PCGF5: variants seen among roughly 807,000 people sequenced by gnomAD.
PCGF5 encodes polycomb group ring finger 5.
A neutral mutation model predicts 44.3 loss-of-function variants in PCGF5; 9 were observed. That is an observed-to-expected ratio of 0.20 (90% CI 0.12 to 0.35). PCGF5 has a LOEUF of 0.35. Ranked by LOEUF, PCGF5 falls within the 10% of genes least tolerant of loss-of-function variation. The pLI is 1.00. For missense variants in PCGF5, 146 were observed against 305.3 expected, an observed-to-expected ratio of 0.48 and a Z score of 3.89; for synonymous variants, 95 against 102.5, an observed-to-expected ratio of 0.93 and a Z score of 0.44.
the PCGF5 span, among the ~76,000 whole-genome samples, chr10:91,157,844 C>A: frequency 1.3e-5 from 2 of 152,130 alleles, no homozygotes; most frequent in Non-Finnish European, 2.9e-5. Flanking sequence ...TTTCCTCTTT[C>A]AAAAATGATA....
intron 5 of PCGF5, among the ~76,000 whole-genome samples, chr10:91,249,931 A>G (rs1845583906): frequency 6.6e-6 from 1 of 152,030 alleles, no homozygotes; most frequent in African/African-American, 2.4e-5. Context: ...GGCTAATTAA[A>G]TATTCCAGTT....
At chr10:91,211,856 ATCT>A (rs1450510516) in intron 1 of PCGF5, among the ~76,000 whole-genome samples, 2 of 152,126 alleles carry the variant, frequency 1.3e-5, no homozygotes, top group Non-Finnish European at 2.9e-5. Context: ...TATAGAGCTT[ATCT>A]GGAACCAGGC....
the PCGF5 span, among the ~76,000 whole-genome samples, chr10:91,157,266 A>G: frequency 6.6e-6 from 1 of 152,236 alleles, no homozygotes; most frequent in Non-Finnish European, 1.5e-5. Context: ...CAGTTAACAG[A>G]CTGAGGACAT....
intron 1 of PCGF5, among the ~76,000 whole-genome samples, chr10:91,195,407 A>G (rs1844110355): frequency 6.6e-6 from 1 of 151,710 alleles, no homozygotes; most frequent in Non-Finnish European, 1.5e-5. Flanking sequence ...TTAGAGGGTT[A>G]ATAATATTCT....
chr10:91,283,137 T>C lies in PCGF5; in HGVS notation c.*4821T>C, dbSNP rs533151999. On this transcript the variant is annotated 3_prime_UTR_variant, in exon 10 of 10. Transcript: ENST00000336126. The stretch of plus-strand genomic sequence containing the variant: ...ACAATACAGTGTTCAATAGTTTTTA[T>C]TGCAGTGATGTTTTTCCAATAATTT... 1 of 152,346 alleles carries C rather than the reference T, an allele frequency of 6.6e-6. No individual in the cohort carries two copies. The highest frequency in any genetic ancestry group is 2.1e-4 in the South Asian group (1 of 4,830). The allele number at this position is 152,346 out of a possible 1,614,324, so 9.4% of individuals were successfully genotyped here.
intron 1 of PCGF5, among the ~76,000 whole-genome samples, chr10:91,164,559 G>T (rs1843462838): frequency 6.6e-6 from 1 of 152,108 alleles, no homozygotes; most frequent in Non-Finnish European, 1.5e-5. Flanking sequence ...TTTAAAAGTG[G>T]ATCTTAAAAG....
Position 91,278,400 on chromosome 10 carries a change from C to A in PCGF5, c.*84C>A. On this transcript the variant is annotated 3_prime_UTR_variant, in exon 10 of 10. Coordinates refer to ENST00000336126, the MANE Select transcript of PCGF5 (RefSeq NM_032373.5). Reference sequence around the variant, plus strand: ...GATTGCACAGTTAACGGTGTGTGGACTAGAGGAACACAACCAGATTTTCAG... The same window carrying A: ...GATTGCACAGTTAACGGTGTGTGGAATAGAGGAACACAACCAGATTTTCAG... 8.1e-7 allele frequency: 1 copy of A among 1,231,538 alleles called. No individual in the cohort carries two copies. Among genetic ancestry groups the A allele is most frequent in the Non-Finnish European group, 1.2e-6 (1 of 836,620 alleles). The allele number at this position is 1,231,538 out of a possible 1,614,324, so 76.3% of individuals were successfully genotyped here.
At chr10:91,229,057 A>G (rs1176701454) in intron 2 of PCGF5, among the ~76,000 whole-genome samples, 1 of 152,250 alleles carries the variant, frequency 6.6e-6, no homozygotes, top group East Asian at 1.9e-4. Context: ...AAGGAATGAA[A>G]TATTAGCTAT....
intron 9 of PCGF5, among the ~76,000 whole-genome samples, chr10:91,277,948 G>T (rs757902604): frequency 2.0e-5 from 3 of 152,020 alleles, no homozygotes; most frequent in African/African-American, 7.2e-5. Context: ...TATAAGCAGG[G>T]TGTGTGACTT....
intron 2 of PCGF5, among the ~76,000 whole-genome samples, chr10:91,234,483 C>CT (rs1411872133): frequency 6.6e-6 from 1 of 152,174 alleles, no homozygotes; most frequent in Non-Finnish European, 1.5e-5. Context: ...AGTTGCAAGA[C>CT]TATCACTAGG....
chr10:91,206,658 A>T (rs536381389), intron 1 of PCGF5, among the ~76,000 whole-genome samples: 120 of 152,338 alleles, frequency 7.9e-4, no homozygotes, highest in Middle Eastern at 3.4e-3. Flanking sequence ...CAGTCAGCTT[A>T]GAGTAAAGGG....
At chr10:91,197,346 G>A (rs763652768) in intron 1 of PCGF5, among the ~76,000 whole-genome samples, 13 of 152,120 alleles carry the variant, frequency 8.5e-5, no homozygotes, top group Non-Finnish European at 1.9e-4. Flanking sequence ...TGACTGCTCC[G>A]TGATGTATTA....
chr10:91,171,719 G>C (rs1027402353), intron 1 of PCGF5, among the ~76,000 whole-genome samples: 2 of 152,154 alleles, frequency 1.3e-5, no homozygotes, highest in Admixed American at 1.3e-4. Flanking sequence ...AGGTTCTGAG[G>C]GTAGTGGTGA....
At chr10:91,251,140 G>A in intron 5 of PCGF5, 152 bp from the exon 6 acceptor site, 2 of 467,896 alleles carry the variant, frequency 4.3e-6, no homozygotes, top group East Asian at 3.6e-5. Context: ...TTGCTGAGTT[G>A]GTTGGAACAT....
intron 1 of PCGF5, among the ~76,000 whole-genome samples, chr10:91,177,229 T>C (rs915544522): frequency 1.3e-5 from 2 of 152,220 alleles, no homozygotes; most frequent in Non-Finnish European, 2.9e-5. Context: ...CGAATATTGG[T>C]GAACAGCAAA....
intron 1 of PCGF5, among the ~76,000 whole-genome samples, chr10:91,164,352 C>G (rs1843458159): frequency 6.6e-6 from 1 of 152,198 alleles, no homozygotes; most frequent in East Asian, 1.9e-4. Context: ...ACACATTCCC[C>G]AAGGCTTGTT....
intron 1 of PCGF5, among the ~76,000 whole-genome samples, chr10:91,195,579 G>C (rs1024129807): frequency 1.1e-4 from 16 of 151,412 alleles, no homozygotes; most frequent in African/African-American, 3.9e-4. Flanking sequence ...TGGCCTCCTG[G>C]CCTCAAGTAA....
intron 1 of PCGF5, among the ~76,000 whole-genome samples, chr10:91,177,302 G>A (rs915630631): frequency 8.5e-5 from 13 of 152,192 alleles, no homozygotes; most frequent in Admixed American, 2.6e-4. Flanking sequence ...TGTGTGAGGC[G>A]TCACTCTGCC....
At chr10:91,173,061 A>G (rs1370253071) in intron 1 of PCGF5, among the ~76,000 whole-genome samples, 3 of 152,236 alleles carry the variant, frequency 2.0e-5, no homozygotes, top group African/African-American at 4.8e-5. Context: ...TAGTGTAGGA[A>G]AAAAATTACA....
Sources: gnomAD v4.1 joint callset for allele counts (sites outside exome capture counted in the v4.1 genomes callset) on GRCh38, gnomAD v4.1.1 for gene constraint, MANE v1.5 for transcripts, NCBI Gene and HGNC (gene_info 2026-07-23, HGNC 2026-07-21) for gene names.